GRIK3: variants seen among roughly 807,000 people sequenced by gnomAD.
GRIK3 encodes glutamate receptor ionotropic, kainate 3.
A neutral mutation model predicts 102.5 loss-of-function variants in GRIK3; 29 were observed. The ratio of observed to expected loss-of-function variants is 0.28; its 90% confidence interval spans 0.21 to 0.39. GRIK3 has a LOEUF of 0.39. GRIK3 is among the 10% of genes least tolerant of loss of function. The pLI is 1.00. For synonymous variants in GRIK3, 511 were observed against 504.9 expected (o/e 1.01, Z -0.16); for missense variants, 908 against 1,252.4 (o/e 0.73, Z 4.15).
intron 9 of GRIK3, among the ~76,000 whole-genome samples, chr1:36,843,590 G>A (rs1217120569): frequency 6.6e-6 from 1 of 152,160 alleles, no homozygotes; most frequent in African/African-American, 2.4e-5. Flanking sequence ...CCTGGGGTCA[G>A]ACCTTCCGGA....
chr1:37,009,594 G>A (rs532656352), intron 1 of GRIK3, among the ~76,000 whole-genome samples: 1 of 152,328 alleles, frequency 6.6e-6, no homozygotes, highest in East Asian at 1.9e-4. Context: ...ATGGCTGGAG[G>A]GGTGTGTGTG....
intron 7 of GRIK3, among the ~76,000 whole-genome samples, chr1:36,858,139 C>T (rs1640675109): frequency 6.6e-6 from 1 of 152,224 alleles, no homozygotes; most frequent in Admixed American, 6.5e-5. Context: ...CCCTCTGGCC[C>T]AGGATGACTC....
At chr1:36,921,566 T>C (rs1407203247) in intron 1 of GRIK3, among the ~76,000 whole-genome samples, 1 of 152,164 alleles carries the variant, frequency 6.6e-6, no homozygotes, top group Non-Finnish European at 1.5e-5. Flanking sequence ...TCTTGATAAA[T>C]GGCAGCTAGT....
At chr1:36,989,466 C>T (rs906782118) in intron 1 of GRIK3, among the ~76,000 whole-genome samples, 14 of 152,170 alleles carry the variant, frequency 9.2e-5, no homozygotes, top group African/African-American at 3.1e-4. Flanking sequence ...AGTTAGGAGG[C>T]GGCTGCGGCA....
chr1:36,847,325 A>G (rs979803558), intron 9 of GRIK3, among the ~76,000 whole-genome samples: 1 of 152,256 alleles, frequency 6.6e-6, no homozygotes, highest in African/African-American at 2.4e-5. Flanking sequence ...GAAGCAGCCC[A>G]GTGTAAACAA....
chr1:36,826,383 G>A (rs1344374247), intron 10 of GRIK3, among the ~76,000 whole-genome samples: 2 of 152,202 alleles, frequency 1.3e-5, no homozygotes, highest in African/African-American at 2.4e-5. Context: ...AAACTAGACA[G>A]GCAGGCTGGG....
intron 1 of GRIK3, among the ~76,000 whole-genome samples, chr1:37,003,018 G>GTTTTTTT (rs1306169886): frequency 1.2e-5 from 1 of 82,578 alleles, no homozygotes; most frequent in African/African-American, 4.9e-5. Context: ...AATAAAAGCT[G>GTTTTTTT]TTGTTTTTTT....
chr1:36,983,365 G>A (rs933117931), intron 1 of GRIK3, among the ~76,000 whole-genome samples: 1 of 152,114 alleles, frequency 6.6e-6, no homozygotes, highest in Non-Finnish European at 1.5e-5. Flanking sequence ...CATACCTGCA[G>A]GTACACACGG....
chr1:36,894,432 T>C (rs1321831021), intron 1 of GRIK3, among the ~76,000 whole-genome samples: 1 of 152,236 alleles, frequency 6.6e-6, no homozygotes, highest in African/African-American at 2.4e-5. Flanking sequence ...TTTAATTGTT[T>C]TGAAAATTCT....
intron 1 of GRIK3, among the ~76,000 whole-genome samples, chr1:36,983,441 T>C (rs756461367): frequency 2.6e-5 from 4 of 152,060 alleles, no homozygotes; most frequent in Non-Finnish European, 5.9e-5. Context: ...GGGTGATAAC[T>C]CCAGGGAACA....
intron 10 of GRIK3, among the ~76,000 whole-genome samples, chr1:36,830,628 G>A (rs937124413): frequency 1.3e-5 from 2 of 151,856 alleles, no homozygotes; most frequent in Non-Finnish European, 2.9e-5. Context: ...TGGCCAACAT[G>A]GTGAAACCCC....
chr1:37,033,552 G>A (rs1642853663), intron 1 of GRIK3, among the ~76,000 whole-genome samples: 1 of 152,242 alleles, frequency 6.6e-6, no homozygotes, highest in African/African-American at 2.4e-5. Flanking sequence ...CTCGAGCTAT[G>A]CCAGAGGTGG....
intron 9 of GRIK3, among the ~76,000 whole-genome samples, chr1:36,842,738 C>T (rs142189523): frequency 1.3e-5 from 2 of 152,320 alleles, no homozygotes; most frequent in East Asian, 3.9e-4. Context: ...CCTCATTTCA[C>T]CTTAATGTCA....
At chr1:36,936,778 TG>T (rs1641662532) in intron 1 of GRIK3, among the ~76,000 whole-genome samples, 1 of 151,742 alleles carries the variant, frequency 6.6e-6, no homozygotes, top group African/African-American at 2.4e-5. Context: ...GTTAAGTGAA[TG>T]TGCGAACAAA....
chr1:36,984,951 C>A (rs1642289043), intron 1 of GRIK3, among the ~76,000 whole-genome samples: 1 of 152,208 alleles, frequency 6.6e-6, no homozygotes, highest in Non-Finnish European at 1.5e-5. Context: ...AAGGTCCCAG[C>A]TCAGGCTGGG....
At chr1:36,962,264 C>G (rs1413893640) in intron 1 of GRIK3, among the ~76,000 whole-genome samples, 1 of 152,132 alleles carries the variant, frequency 6.6e-6, no homozygotes, top group Non-Finnish European at 1.5e-5. Flanking sequence ...CTCCATTCCT[C>G]TTATCTCTGT....
At chr1:36,992,665 G>A (rs1332986958) in intron 1 of GRIK3, among the ~76,000 whole-genome samples, 1 of 152,176 alleles carries the variant, frequency 6.6e-6, no homozygotes, top group Non-Finnish European at 1.5e-5. Context: ...CTCCTACCTA[G>A]GCTCAGTGGA....
At chr1:36,855,362 G>C (rs181389814) in intron 7 of GRIK3, among the ~76,000 whole-genome samples, 128 of 152,306 alleles carry the variant, frequency 8.4e-4, no homozygotes, top group African/African-American at 3.0e-3. Flanking sequence ...AACCCACAAG[G>C]TCAGGGGTCC....
chr1:36,989,690 C>T (rs1161876889), intron 1 of GRIK3, among the ~76,000 whole-genome samples: 1 of 152,164 alleles, frequency 6.6e-6, no homozygotes, highest in Non-Finnish European at 1.5e-5. Flanking sequence ...ACAGTGGACA[C>T]AGGCCAGGTC....
Sources: allele counts gnomAD v4.1 joint callset (sites outside exome capture counted in the v4.1 genomes callset), GRCh38; gene constraint gnomAD v4.1.1; transcripts MANE v1.5; gene names NCBI Gene and HGNC (gene_info 2026-07-23, HGNC 2026-07-21).